Variants in NOS1AP observed in about 807,000 individuals in gnomAD.
NOS1AP encodes nitric oxide synthase 1 adaptor protein.
In NOS1AP, 21 loss-of-function variants were observed where a neutral mutation model predicts 56.2. That is an observed-to-expected ratio of 0.37 (90% CI 0.26 to 0.54). The LOEUF (loss-of-function observed/expected upper bound fraction) is 0.54. Among genes scored for constraint, NOS1AP ranks in the 20% least tolerant of loss-of-function variants. The pLI, the probability that NOS1AP is intolerant of heterozygous loss-of-function variation, is 0.84. For missense variants in NOS1AP, 522 were observed against 657.8 expected, an observed-to-expected ratio of 0.79 and a Z score of 2.26; for synonymous variants, 270 against 274.6, an observed-to-expected ratio of 0.98 and a Z score of 0.17.
intron 8 of NOS1AP, chr1:162,363,247 G>C (rs1657959895): frequency 6.6e-6 from 1 of 152,580 alleles, no homozygotes; most frequent in South Asian, 2.1e-4. Flanking sequence ...CAACTGATTT[G>C]CTAGAGCAAC....
intron 2 of NOS1AP, among the ~76,000 whole-genome samples, chr1:162,156,099 C>A (rs1333258768): frequency 2.6e-5 from 4 of 152,202 alleles, no homozygotes; most frequent in African/African-American, 7.2e-5. Flanking sequence ...CTAATAAAAT[C>A]TTTTCATTGC....
At chr1:162,315,358 C>G (rs531928927) in intron 4 of NOS1AP, among the ~76,000 whole-genome samples, 1 of 152,336 alleles carries the variant, frequency 6.6e-6, no homozygotes, top group South Asian at 2.1e-4. Flanking sequence ...GCATTTTGCA[C>G]TAAACACCTG....
intron 1 of NOS1AP, among the ~76,000 whole-genome samples, chr1:162,079,581 G>A (rs1045147929): frequency 3.9e-5 from 6 of 152,032 alleles, no homozygotes; most frequent in African/African-American, 1.2e-4. Context: ...TTCCTTTAGC[G>A]TTCTCATTTG....
intron 1 of NOS1AP, among the ~76,000 whole-genome samples, chr1:162,091,516 T>G (rs1243485007): frequency 1.3e-5 from 2 of 152,240 alleles, no homozygotes; most frequent in African/African-American, 4.8e-5. Flanking sequence ...TGTGGAAGAC[T>G]CAATAAATAT....
intron 2 of NOS1AP, among the ~76,000 whole-genome samples, chr1:162,286,296 A>G (rs1289063938): frequency 1.3e-5 from 2 of 152,182 alleles, no homozygotes; most frequent in African/African-American, 4.8e-5. Context: ...GAGTGGCAAC[A>G]TGGTAGGAGA....
At chr1:162,257,469 C>T (rs1043451637) in intron 2 of NOS1AP, among the ~76,000 whole-genome samples, 4 of 151,800 alleles carry the variant, frequency 2.6e-5, no homozygotes, top group African/African-American at 9.7e-5. Flanking sequence ...GGCAACATGA[C>T]GAAACCCTGT....
intron 2 of NOS1AP, among the ~76,000 whole-genome samples, chr1:162,220,596 G>A (rs998732938): frequency 6.6e-6 from 1 of 152,194 alleles, no homozygotes; most frequent in African/African-American, 2.4e-5. Flanking sequence ...TCCTAGGGCT[G>A]CTGTTTGTTT....
intron 1 of NOS1AP, among the ~76,000 whole-genome samples, chr1:162,095,463 C>T (rs4656351): frequency 0.97 from 147,660 of 152,320 alleles, 71,742 homozygotes; most frequent in East Asian, 1. Flanking sequence ...AAGTCTATGG[C>T]ATTATTTTTG....
intron 5 of NOS1AP, among the ~76,000 whole-genome samples, chr1:162,334,232 C>T (rs939206429): frequency 6.6e-6 from 1 of 152,136 alleles, no homozygotes. Flanking sequence ...GAGATTTGTG[C>T]CCTTAACCAC....
chr1:162,131,756 G>A (rs1648759228), intron 1 of NOS1AP, among the ~76,000 whole-genome samples: 1 of 151,864 alleles, frequency 6.6e-6, no homozygotes, highest in African/African-American at 2.4e-5. Context: ...TTTTTGGTTG[G>A]GAGGATGTGA....
intron 2 of NOS1AP, among the ~76,000 whole-genome samples, chr1:162,219,719 C>T (rs1571138156): frequency 6.6e-6 from 1 of 152,156 alleles, no homozygotes; most frequent in Non-Finnish European, 1.5e-5. Context: ...GAAATGTCCC[C>T]TTTTAGGAGT....
At chr1:162,126,893 C>A in intron 1 of NOS1AP, among the ~76,000 whole-genome samples, 1 of 152,118 alleles carries the variant, frequency 6.6e-6, no homozygotes, top group African/African-American at 2.4e-5. Context: ...AAAGAATATA[C>A]AATCTTACAT....
rs1557864931 is a variant in NOS1AP at position 162,289,280 on chromosome 1, T to TTCCTTC, written c.270+1844_270+1845insTCCTTC. Among the ~76,000 whole-genome samples, 238 of 36,444 alleles carry TTCCTTC rather than the reference T, an allele frequency of 6.5e-3. 27 individuals carry two copies. Among genetic ancestry groups the TTCCTTC allele is most frequent in the Middle Eastern group, 0.014 (1 of 72 alleles). The allele number at this position is 36,444 out of a possible 152,430, so 23.9% of individuals were successfully genotyped here. On this transcript the variant is annotated intron_variant, in intron 3 of 9. Transcript: ENST00000361897. ...TCCTTCCTTCCTTCCTTCCTTCCTT[T>TTCCTTC]CCTTCCTTCCTTCTTCCTTCTTTCT...
At chr1:162,078,444 T>C (rs952303757) in intron 1 of NOS1AP, among the ~76,000 whole-genome samples, 1 of 152,158 alleles carries the variant, frequency 6.6e-6, no homozygotes, top group Non-Finnish European at 1.5e-5. Context: ...CAGGCTCTAC[T>C]CTCCTGTACC....
intron 7 of NOS1AP, among the ~76,000 whole-genome samples, chr1:162,356,406 T>C (rs1413066596): frequency 6.6e-6 from 1 of 152,230 alleles, no homozygotes; most frequent in East Asian, 1.9e-4. Flanking sequence ...TCTTTGCCGA[T>C]GGTTCTCACC....
chr1:162,315,493 G>A (rs981119415), intron 4 of NOS1AP, among the ~76,000 whole-genome samples: 1 of 152,216 alleles, frequency 6.6e-6, no homozygotes, highest in African/African-American at 2.4e-5. Context: ...ACCACAATCA[G>A]ACTGTGAGCC....
At chr1:162,279,760 A>C (rs1654859455) in intron 2 of NOS1AP, among the ~76,000 whole-genome samples, 1 of 152,206 alleles carries the variant, frequency 6.6e-6, no homozygotes, top group Non-Finnish European at 1.5e-5. Flanking sequence ...TATTGAATGA[A>C]TGGAGGAATG....
At chr1:162,186,832 A>G (rs1651449530) in intron 2 of NOS1AP, among the ~76,000 whole-genome samples, 1 of 152,254 alleles carries the variant, frequency 6.6e-6, no homozygotes, top group Non-Finnish European at 1.5e-5. Flanking sequence ...CACTTTCGTT[A>G]TAGCAACCCG....
At chr1:162,123,927 T>TA (rs1648362440) in intron 1 of NOS1AP, among the ~76,000 whole-genome samples, 1 of 152,106 alleles carries the variant, frequency 6.6e-6, no homozygotes, top group African/African-American at 2.4e-5. Context: ...GTTGTCAAAT[T>TA]AAAAAAATAA....
Sources: gnomAD v4.1 joint callset for allele counts (sites outside exome capture counted in the v4.1 genomes callset) on GRCh38, gnomAD v4.1.1 for gene constraint, MANE v1.5 for transcripts, NCBI Gene and HGNC (gene_info 2026-07-23, HGNC 2026-07-21) for gene names.